The following UNKL variants were observed in gnomAD, a reference collection of about 807,000 sequenced individuals.
UNKL encodes putative E3 ubiquitin-protein ligase UNKL.
Under a neutral mutation model 78.0 loss-of-function variants are expected in UNKL, and 60 were observed. The observed-to-expected ratio is 0.77, with a 90% confidence interval of 0.63 to 0.95. The LOEUF (loss-of-function observed/expected upper bound fraction) is 0.95, where lower values mean the gene tolerates loss of function less well. UNKL is among the 40% of genes least tolerant of loss of function. The pLI, the probability that UNKL is intolerant of heterozygous loss-of-function variation, is 0.00. For missense variants in UNKL, 1,159 were observed against 1,045.7 expected (o/e 1.11, Z -1.49); for synonymous variants, 608 against 474.8 (o/e 1.28, Z -3.65).
chr16:1,414,390 C>T (rs2038184414), intron 1 of UNKL, among the ~76,000 whole-genome samples: 1 of 152,092 alleles, frequency 6.6e-6, no homozygotes, highest in Non-Finnish European at 1.5e-5. Flanking sequence ...TTCCTCCCTC[C>T]CCAGAGGCGC....
At chr16:1,393,696 A>AC (rs1416393882) in intron 7 of UNKL, among the ~76,000 whole-genome samples, 3 of 151,472 alleles carry the variant, frequency 2.0e-5, no homozygotes, top group Non-Finnish European at 4.4e-5. Context: ...GGGCGGACAG[A>AC]CCCCCTCTCT....
intron 4 of UNKL, among the ~76,000 whole-genome samples, chr16:1,400,995 C>G (rs957277888): frequency 6.6e-6 from 1 of 152,158 alleles, no homozygotes; most frequent in Non-Finnish European, 1.5e-5. Flanking sequence ...AGCCTTACCA[C>G]GTTTTTTTTC....
rs138962265 is a variant in UNKL, at chr16:1,384,957, C to G, written c.1264+251G>C. Among the ~76,000 whole-genome samples, 1,260 of 152,352 alleles carry G rather than the reference C, an allele frequency of 8.3e-3. 19 individuals are homozygous for G. The highest frequency in any genetic ancestry group is 0.027 in the African/African-American group (1,121 of 41,584). On this transcript the variant is annotated intron_variant, in intron 10 of 14. Transcript: ENST00000389221. ...CTGAGCCGGACGGCGCCTGCTCTGC[C>G]TGGCTCCTGGGAGGCTCCTCGTCCC...
At chr16:1,400,900 G>A (rs1300971072) in intron 4 of UNKL, among the ~76,000 whole-genome samples, 2 of 152,118 alleles carry the variant, frequency 1.3e-5, no homozygotes, top group Admixed American at 6.6e-5. Flanking sequence ...TGTTGGCCAG[G>A]CTGGCCTCAA....
At chr16:1,374,898 A>G (rs1051982097) in intron 10 of UNKL, among the ~76,000 whole-genome samples, 5 of 152,246 alleles carry the variant, frequency 3.3e-5, no homozygotes, top group African/African-American at 1.2e-4. Flanking sequence ...AATCAGCAGG[A>G]AAGGCAGGAG....
At chr16:1,401,165 G>A (rs1015703852) in intron 4 of UNKL, among the ~76,000 whole-genome samples, 3 of 148,312 alleles carry the variant, frequency 2.0e-5, no homozygotes, top group African/African-American at 4.9e-5. Context: ...CGCAGGGCTG[G>A]GGGCTCTGCT....
chr16:1,386,498 G>A (rs960084348), intron 9 of UNKL, among the ~76,000 whole-genome samples: 4 of 152,182 alleles, frequency 2.6e-5, no homozygotes, highest in Admixed American at 2.6e-4. Context: ...TGGTTGTGGT[G>A]AGCCGAGATC....
In UNKL at chr16:1,387,224, G is replaced by A. The variant is rs1248866134; in HGVS notation, c.1087-1839C>T. 2.6e-5 allele frequency among the ~76,000 whole-genome samples: 4 copies of A among 152,078 alleles called. No homozygotes were observed. The highest frequency in any genetic ancestry group is 2.1e-4 in the South Asian group (1 of 4,816). On this transcript the variant is annotated intron_variant, in intron 9 of 14. Coordinates refer to ENST00000389221, the MANE Select transcript of UNKL (RefSeq NM_001372107.1). The surrounding 1 kb of genome is among the most constrained non-coding windows in gnomAD (Gnocchi z 4.1). ...GGGACACTCCCAGCCATGCAACACC[G>A]GGGACACTCCCAGCCATGCATGGTG...
intron 4 of UNKL, 187 bp downstream of exon 4, chr16:1,401,381 G>T: frequency 1.5e-6 from 1 of 676,244 alleles, no homozygotes; most frequent in Non-Finnish European, 2.1e-6. Context: ...AGGCGCCTGG[G>T]CCCAAATCCC....
In UNKL at chr16:1,411,481, G is replaced by A. The variant is rs573487558; in HGVS notation, c.287+2365C>T. On this transcript the variant is annotated intron_variant, in intron 2 of 14. Transcript: ENST00000389221. ...CTGGAGGTTCAAGTTGCAGTGAGCC[G>A]TGTTCATGCCCCTGCACTCCAGCCC... Among the ~76,000 whole-genome samples the A allele has an allele frequency of 1.0e-3, 154 of 152,288 alleles. 8 individuals are homozygous for A. The South Asian group carries it at 0.031, about 31-fold the overall frequency.
intron 2 of UNKL, 123 bp downstream of exon 2, chr16:1,413,723 T>G: frequency 9.0e-7 from 1 of 1,117,210 alleles, no homozygotes; most frequent in Non-Finnish European, 1.2e-6. Flanking sequence ...AGCGTATAAT[T>G]ACGACTCCCT....
chr16:1,366,341 C>G lies in UNKL; in HGVS notation c.2101G>C (p.Gly701Arg), dbSNP rs149143674. Reference sequence around the variant, plus strand: ...TGCTGACAGGGCCGCAGGACAGCACCGTGGGCCCGCTCCCGGCAGGCCACA... The same window carrying G: ...TGCTGACAGGGCCGCAGGACAGCACGGTGGGCCCGCTCCCGGCAGGCCACA... ...QCVACRERAH[G>R]AVLRPCQHHI... is the part of the protein sequence containing the mutation. The change falls in exon 15 of 15, where the codon GGT (glycine) becomes CGT (arginine). Residue 701 changes from glycine to arginine, a missense_variant. Coordinates refer to ENST00000389221, the MANE Select transcript of UNKL (RefSeq NM_001372107.1). The G allele has an allele frequency of 1.9e-6, 3 of 1,604,334 alleles. No individual in the cohort carries two copies. The highest frequency in any genetic ancestry group is 1.1e-5 in the South Asian group (1 of 89,700).
intron 6 of UNKL, among the ~76,000 whole-genome samples, chr16:1,394,816 G>A (rs890983618): frequency 3.3e-5 from 5 of 152,304 alleles, no homozygotes; most frequent in South Asian, 2.1e-4. Flanking sequence ...CCTCCGGCCT[G>A]GCCCCACCCC....
At chr16:1,394,021 C>A in intron 7 of UNKL, 110 bp downstream of exon 7, 1 of 1,141,454 alleles carries the variant, frequency 8.8e-7, no homozygotes. Flanking sequence ...TGAGCTCCTG[C>A]CCGCCTTCCA....
intron 9 of UNKL, 68 bp downstream of exon 9, chr16:1,390,564 C>A: frequency 6.7e-7 from 1 of 1,497,268 alleles, no homozygotes; most frequent in African/African-American, 1.4e-5. Context: ...GGGTCAGGCA[C>A]GAGGGCGGGA....
At position 1,367,802 on chromosome 16, in the gene UNKL, TG is replaced by T. The variant is rs1216870598; in HGVS notation, c.1641del (p.Ser548AlafsTer6). 1 of 1,569,912 alleles carries T rather than the reference TG, an allele frequency of 6.4e-7. No individual in the cohort carries two copies. The highest frequency in any genetic ancestry group is 8.6e-7 in the Non-Finnish European group (1 of 1,156,812). ...CCGGCACTCAGGATGGGGGAGGGGC[TG>T]GGGGAGAAGCTGCCGGAAACAAAGT... The part of the protein sequence containing the change: ...IWDFVSGSFS[P>X]SPSPILSAGP... On this transcript the variant is annotated frameshift_variant, in exon 13 of 15. Transcript: ENST00000389221. LOFTEE classifies it high-confidence loss of function.
chr16:1,368,626 A>AC (rs1220445277), intron 12 of UNKL, among the ~76,000 whole-genome samples: 2 of 148,718 alleles, frequency 1.3e-5, no homozygotes, highest in East Asian at 2.0e-4. Flanking sequence ...AAAAAAAAAA[A>AC]AAAAAAAAAC....
intron 11 of UNKL, among the ~76,000 whole-genome samples, chr16:1,370,650 G>A (rs547009994): frequency 6.6e-6 from 1 of 152,362 alleles, no homozygotes; most frequent in South Asian, 2.1e-4. Context: ...ACACCCACCA[G>A]GCCCTGCCGG....
rs2035677114 is a variant in UNKL, at chr16:1,370,114, G to A, written c.1585+16C>T. The A allele has an allele frequency of 6.5e-7, 1 of 1,537,864 alleles. No homozygotes were observed. Among genetic ancestry groups the A allele is most frequent in the South Asian group, 1.2e-5 (1 of 82,850 alleles). On this transcript the variant is annotated intron_variant, in intron 12 of 14. Coordinates refer to ENST00000389221, the MANE Select transcript of UNKL (RefSeq NM_001372107.1). ...GGCTTCACGGCAACGCCAGCATGGA[G>A]GGAGCCGGCACTCACCTAGGGGGCT...
Sources: allele counts gnomAD v4.1 joint callset (sites outside exome capture counted in the v4.1 genomes callset), GRCh38; gene constraint gnomAD v4.1.1; non-coding constraint Gnocchi (gnomAD v3.1); transcripts MANE v1.5; gene names NCBI Gene and HGNC (gene_info 2026-07-23, HGNC 2026-07-21).